The following FOXK1 variants were observed in gnomAD, a reference collection of about 807,000 sequenced individuals.
FOXK1 encodes forkhead box K1, also known as forkhead box protein K1.
Under a neutral mutation model 51.9 loss-of-function variants are expected in FOXK1, and 19 were observed. The ratio of observed to expected loss-of-function variants is 0.37; its 90% confidence interval spans 0.26 to 0.54. FOXK1 has a LOEUF of 0.54. FOXK1 is among the 20% of genes least tolerant of loss of function. The probability of loss-of-function intolerance (pLI) is 0.87; values close to 1 mark genes in which losing one functional copy is unlikely to be tolerated. For synonymous variants in FOXK1, 537 were observed against 482.6 expected, an observed-to-expected ratio of 1.11 and a Z score of -1.48; for missense variants, 870 against 1,032.7, an observed-to-expected ratio of 0.84 and a Z score of 2.16.
chr7:4,689,904 G>C (rs1457709897), intron 1 of FOXK1, among the ~76,000 whole-genome samples: 2 of 152,184 alleles, frequency 1.3e-5, no homozygotes, highest in African/African-American at 4.8e-5. Flanking sequence ...CTTGGCTGGT[G>C]CAGGAGTGGG....
chr7:4,691,448 C>T (rs866121937), intron 1 of FOXK1, among the ~76,000 whole-genome samples: 38 of 152,292 alleles, frequency 2.5e-4, no homozygotes, highest in African/African-American at 8.7e-4. Flanking sequence ...GATTCTCCTG[C>T]CCCAGCCTCC....
intron 2 of FOXK1, among the ~76,000 whole-genome samples, chr7:4,750,775 G>A (rs1025067098): frequency 1.3e-5 from 2 of 151,662 alleles, no homozygotes; most frequent in African/African-American, 4.9e-5. Context: ...CATAATCTCG[G>A]CTCACTGCAA....
chr7:4,726,435 C>T (rs945554582), intron 1 of FOXK1, among the ~76,000 whole-genome samples: 36 of 152,148 alleles, frequency 2.4e-4, no homozygotes, highest in African/African-American at 7.0e-4. Context: ...GCCTGACCAA[C>T]ATGATGAAAC....
chr7:4,728,145 T>C (rs904531761), intron 1 of FOXK1, among the ~76,000 whole-genome samples: 31 of 152,308 alleles, frequency 2.0e-4, no homozygotes, highest in Admixed American at 1.3e-3. Context: ...GGAGCAGTTC[T>C]GTTGGCAGCC....
rs1326739154 is a variant in FOXK1, at chr7:4,730,987, C to A, written c.561-9851C>A. Among the ~76,000 whole-genome samples, 1 of 152,004 alleles carries A rather than the reference C, an allele frequency of 6.6e-6. No homozygotes were observed. Among genetic ancestry groups the A allele is most frequent in the Non-Finnish European group, 1.5e-5 (1 of 67,998 alleles). On this transcript the variant is annotated intron_variant, in intron 1 of 8. Transcript: ENST00000328914. The surrounding 1 kb of genome is among the most constrained non-coding windows in gnomAD (Gnocchi z 4.7). ...TTGGAGACTAGCCTGGGCAACATAA[C>A]AAGACCCTGTCTCTACAAAAAATCA...
In FOXK1 at chr7:4,715,541, G is replaced by C. The variant is rs1327283090; in HGVS notation, c.561-25297G>C. Reference sequence around the variant, plus strand: ...GAAGCTCTTCATCTATCAGCAGTCAGCTTTCCACTTAAGCAGAGCCAAGTT... The same window carrying C: ...GAAGCTCTTCATCTATCAGCAGTCACCTTTCCACTTAAGCAGAGCCAAGTT... On this transcript the variant is annotated intron_variant, in intron 1 of 8. Transcript: ENST00000328914. This position sits in a 1 kb window ranked among gnomAD's most constrained non-coding sequence, Gnocchi z 4.5. Among the ~76,000 whole-genome samples, 1 of 152,214 alleles carries C rather than the reference G, an allele frequency of 6.6e-6. No homozygotes were observed. Among genetic ancestry groups the C allele is most frequent in the East Asian group, 1.9e-4 (1 of 5,184 alleles).
intron 1 of FOXK1, among the ~76,000 whole-genome samples, chr7:4,704,737 C>G (rs550133361): frequency 6.6e-6 from 1 of 151,626 alleles, no homozygotes; most frequent in African/African-American, 2.4e-5. Flanking sequence ...TTTTTTTCTT[C>G]TGTTGTTTCT....
rs1583185842 is a variant in FOXK1 at position 4,703,286 on chromosome 7, T to G, written c.560+20418T>G. ...GCCATTGGGCCTCTCCGCTCTGGGG[T>G]GAGGGGAGGGAGGGGGAGGACCCGA... is the stretch of plus-strand genomic sequence containing the variant. On this transcript the variant is annotated intron_variant, in intron 1 of 8. Transcript: ENST00000328914. This position sits in a 1 kb window ranked among gnomAD's most constrained non-coding sequence, Gnocchi z 5.6. 6.7e-6 allele frequency among the ~76,000 whole-genome samples: 1 copy of G among 149,564 alleles called. No homozygotes were observed. Among genetic ancestry groups the G allele is most frequent in the African/African-American group, 2.5e-5 (1 of 40,400 alleles).
chr7:4,697,154 C>T (rs542561043), intron 1 of FOXK1, among the ~76,000 whole-genome samples: 29 of 152,302 alleles, frequency 1.9e-4, no homozygotes, highest in African/African-American at 6.5e-4. Context: ...GGCCTGGGCA[C>T]GGCTGCACCT....
chr7:4,728,749 AAAG>A (rs1379652786), intron 1 of FOXK1, among the ~76,000 whole-genome samples: 14 of 138,496 alleles, frequency 1.0e-4, no homozygotes, highest in South Asian at 4.5e-4. Flanking sequence ...AAAAAAAAAA[AAAG>A]AAAGAAAAGA....
chr7:4,718,259 C>T (rs1055584997), intron 1 of FOXK1, among the ~76,000 whole-genome samples: 11 of 152,222 alleles, frequency 7.2e-5, no homozygotes, highest in African/African-American at 2.7e-4. Flanking sequence ...GCTCTGCGAC[C>T]GCCACCTCGG....
rs180897257 is a variant in FOXK1, at chr7:4,730,276, C to T, written c.561-10562C>T. On this transcript the variant is annotated intron_variant, in intron 1 of 8. Coordinates refer to ENST00000328914, the MANE Select transcript of FOXK1 (RefSeq NM_001037165.2). This position sits in a 1 kb window ranked among gnomAD's most constrained non-coding sequence, Gnocchi z 4.7. ...GCACACCCCCACATTGTTGTCACTG[C>T]GAGAACGGAGGGCCCAGAGCCGAGT... Among the ~76,000 whole-genome samples the T allele has an allele frequency of 2.1e-3, 314 of 152,310 alleles. 3 individuals are homozygous for T. The highest frequency in any genetic ancestry group is 6.8e-3 in the Middle Eastern group (2 of 294).
At chr7:4,702,364 A>G (rs564007934) in intron 1 of FOXK1, among the ~76,000 whole-genome samples, 31 of 151,980 alleles carry the variant, frequency 2.0e-4, no homozygotes, top group African/African-American at 7.2e-4. Flanking sequence ...TTTTTTTGAG[A>G]TAGAGTCTCA....
Position 4,761,048 on chromosome 7 carries a change from G to A in FOXK1, c.1697-16G>A. Reference sequence around the variant, plus strand: ...CGTTGGCCGAGTGTGGTGCTGACTTGGTTCCTGTCCCGCAGGCCTGGAGGA... The same window carrying A: ...CGTTGGCCGAGTGTGGTGCTGACTTAGTTCCTGTCCCGCAGGCCTGGAGGA... On this transcript the variant is annotated splice_polypyrimidine_tract_variant and intron_variant, in intron 7 of 8. Transcript: ENST00000328914. The surrounding 1 kb of genome is among the most constrained non-coding windows in gnomAD (Gnocchi z 6.2). 3.1e-6 allele frequency: 5 copies of A among 1,604,146 alleles called. No individual in the cohort carries two copies. The highest frequency in any genetic ancestry group is 4.3e-6 in the Non-Finnish European group (5 of 1,172,506).
intron 1 of FOXK1, among the ~76,000 whole-genome samples, chr7:4,702,537 G>T (rs1780033932): frequency 2.0e-5 from 3 of 152,088 alleles, no homozygotes; most frequent in Admixed American, 2.0e-4. Context: ...TAGAGACAGG[G>T]TTTCACCATG....
chr7:4,762,395 T>C lies in FOXK1; in HGVS notation c.2133T>C (p.Ser711=). 1.3e-6 allele frequency: 2 copies of C among 1,550,082 alleles called. No individual in the cohort carries two copies. Among genetic ancestry groups the C allele is most frequent in the South Asian group, 1.2e-5 (1 of 84,044 alleles). The part of the protein sequence containing the change: ...EVKRSRVEEP[S]GAVTTPAGVI... ...AAAGGTCCCGGGTGGAGGAGCCCAGTGGTGCTGTAACCACACCGGCTGGAG... is the reference window on the plus strand; with the variant it reads ...AAAGGTCCCGGGTGGAGGAGCCCAGCGGTGCTGTAACCACACCGGCTGGAG... Residue 711 remains serine (S), a synonymous_variant, in exon 9 of 9, where the codon AGT becomes AGC. Transcript: ENST00000328914. This position sits in a 1 kb window ranked among gnomAD's most constrained non-coding sequence, Gnocchi z 5.7.
chr7:4,687,374 C>A (rs959496372), intron 1 of FOXK1, among the ~76,000 whole-genome samples: 1 of 151,424 alleles, frequency 6.6e-6, no homozygotes, highest in African/African-American at 2.4e-5. Context: ...CTCACTGAAA[C>A]CTCCGCCTCC....
intron 1 of FOXK1, among the ~76,000 whole-genome samples, chr7:4,738,052 G>C (rs975870342): frequency 5.3e-5 from 8 of 151,574 alleles, no homozygotes; most frequent in Non-Finnish European, 1.0e-4. Flanking sequence ...AATCCAGGAG[G>C]CTGAGGTTGC....
At chr7:4,719,682 A>G (rs993469790) in intron 1 of FOXK1, among the ~76,000 whole-genome samples, 1 of 142,254 alleles carries the variant, frequency 7.0e-6, no homozygotes, top group Non-Finnish European at 1.6e-5. Flanking sequence ...GGGTTTCACC[A>G]TGTTGGCCAG....
Sources: allele counts gnomAD v4.1 joint callset (sites outside exome capture counted in the v4.1 genomes callset), GRCh38; gene constraint gnomAD v4.1.1; non-coding constraint Gnocchi (gnomAD v3.1); transcripts MANE v1.5; gene names NCBI Gene and HGNC (gene_info 2026-07-23, HGNC 2026-07-21).